Variants in MYT1L observed in about 807,000 individuals in gnomAD.
MYT1L encodes myelin transcription factor 1-like protein.
A neutral mutation model predicts 126.7 loss-of-function variants in MYT1L; 12 were observed. The ratio of observed to expected loss-of-function variants is 0.09; its 90% CI spans 0.06 to 0.15. The LOEUF is 0.15. MYT1L is among the 10% of genes least tolerant of loss of function. The pLI, the probability that MYT1L is intolerant of heterozygous loss-of-function variation, is 1.00. For missense variants in MYT1L, 979 were observed against 1,585.2 expected, an observed-to-expected ratio of 0.62 and a Z score of 6.49; for synonymous variants, 541 against 604.2, an observed-to-expected ratio of 0.90 and a Z score of 1.53.
At chr2:2,051,797 T>C (rs1049220361) in intron 4 of MYT1L, among the ~76,000 whole-genome samples, 4 of 152,130 alleles carry the variant, frequency 2.6e-5, no homozygotes, top group African/African-American at 9.6e-5. Context: ...AATAAGGTCA[T>C]GGTACACGCT....
At chr2:2,217,685 C>CAAAAAAA (rs1167910803) in intron 2 of MYT1L, among the ~76,000 whole-genome samples, 30 of 79,626 alleles carry the variant, frequency 3.8e-4, no homozygotes, top group Non-Finnish European at 4.9e-4. Context: ...ACAACAACAA[C>CAAAAAAA]AACAACAACA....
Position 1,801,664 on chromosome 2 carries a change from G to C in MYT1L, c.3276+32C>G, listed in dbSNP as rs762053835. 2 of 1,381,324 alleles carry C rather than the reference G, an allele frequency of 1.4e-6. No homozygotes were observed. Among genetic ancestry groups the C allele is most frequent in the Non-Finnish European group, 2.0e-6 (2 of 976,006 alleles). 85.6% of individuals were successfully genotyped at this position (1,381,324 alleles called of 1,614,324 possible). On this transcript the variant is annotated intron_variant, in intron 23 of 24. Coordinates refer to ENST00000647738, the MANE Select transcript of MYT1L (RefSeq NM_001303052.2). This position sits in a 1 kb window ranked among gnomAD's most constrained non-coding sequence, Gnocchi z 4.2. Reference sequence around the variant, plus strand: ...ATCTCTGGTATAATGGCGCGTGTTAGAGCTAAAATTGAGGGCTTCAAAAAC... The same window carrying C: ...ATCTCTGGTATAATGGCGCGTGTTACAGCTAAAATTGAGGGCTTCAAAAAC...
chr2:1,917,333 G>A lies in MYT1L; in HGVS notation c.1490C>T (p.Ser497Leu), dbSNP rs576628402. ...VKKPYYGKDPSRTEKKESKCP... is the reference protein window; with the variant it reads ...VKKPYYGKDPLRTEKKESKCP... ...CTTGCTCTCTTTCTTTTCTGTTCTTGAGGGATCTAAAAGCGACAACAGGTG... is the reference window on the plus strand; with the variant it reads ...CTTGCTCTCTTTCTTTTCTGTTCTTAAGGGATCTAAAAGCGACAACAGGTG... Residue 497 changes from serine (S) to leucine (L), a missense_variant, in exon 11 of 25, where the codon TCA (serine) becomes TTA (leucine). Around this residue, in one of 12 missense-constraint regions of MYT1L, gnomAD observed 67 missense variants for 80.3 expected, o/e 0.83. Coordinates refer to ENST00000647738, the MANE Select transcript of MYT1L (RefSeq NM_001303052.2). This position sits in a 1 kb window ranked among gnomAD's most constrained non-coding sequence, Gnocchi z 5.9. 2 of 1,609,272 alleles carry A rather than the reference G, an allele frequency of 1.2e-6. No individual in the cohort carries two copies. Among genetic ancestry groups the A allele is most frequent in the African/African-American group, 1.3e-5 (1 of 74,942 alleles).
intron 4 of MYT1L, among the ~76,000 whole-genome samples, chr2:2,038,288 C>A (rs755366099): frequency 6.6e-5 from 10 of 152,108 alleles, no homozygotes; most frequent in Non-Finnish European, 1.3e-4. Context: ...TCTTTTAAAT[C>A]CAACATTATA....
intron 1 of MYT1L, among the ~76,000 whole-genome samples, chr2:2,309,557 A>G (rs564978291): frequency 6.6e-6 from 1 of 151,232 alleles, no homozygotes; most frequent in Non-Finnish European, 1.5e-5. Context: ...CCTATACTCT[A>G]CCCACACTTC....
At chr2:1,872,173 G>C (rs1335067703) in intron 18 of MYT1L, among the ~76,000 whole-genome samples, 1 of 152,164 alleles carries the variant, frequency 6.6e-6, no homozygotes, top group Non-Finnish European at 1.5e-5. Context: ...GGAAACAGAA[G>C]GGAGGAGATT....
At chr2:1,935,535 A>G (rs2055761138) in intron 9 of MYT1L, among the ~76,000 whole-genome samples, 1 of 152,212 alleles carries the variant, frequency 6.6e-6, no homozygotes, top group South Asian at 2.1e-4. Context: ...ATGGTTCTGA[A>G]CTGCTTCCCA....
rs1306142215 is a variant in MYT1L at position 1,889,869 on chromosome 2, A to C, written c.2284-392T>G. Among the ~76,000 whole-genome samples, 1 of 152,122 alleles carries C rather than the reference A, an allele frequency of 6.6e-6. No homozygotes were observed. On this transcript the variant is annotated intron_variant, in intron 15 of 24. Coordinates refer to ENST00000647738, the MANE Select transcript of MYT1L (RefSeq NM_001303052.2). This position sits in a 1 kb window ranked among gnomAD's most constrained non-coding sequence, Gnocchi z 4.1. ...ATTTTATTACCGTTGCAAATACCTAAGAGATAAAAATTTTGTGTGTATGCA... is the reference window on the plus strand; with the variant it reads ...ATTTTATTACCGTTGCAAATACCTACGAGATAAAAATTTTGTGTGTATGCA...
chr2:2,176,088 A>G (rs1025445331), intron 2 of MYT1L, among the ~76,000 whole-genome samples: 5 of 152,208 alleles, frequency 3.3e-5, no homozygotes, highest in Non-Finnish European at 7.3e-5. Flanking sequence ...CTCATGAGAC[A>G]GTCACTCAGC....
At chr2:2,047,396 T>G (rs935300923) in intron 4 of MYT1L, among the ~76,000 whole-genome samples, 4 of 152,252 alleles carry the variant, frequency 2.6e-5, no homozygotes, top group African/African-American at 9.6e-5. Flanking sequence ...ACAAGACTAA[T>G]GAAAATGATA....
At chr2:2,221,229 C>T (rs1334452190) in intron 2 of MYT1L, among the ~76,000 whole-genome samples, 4 of 152,132 alleles carry the variant, frequency 2.6e-5, no homozygotes, top group Admixed American at 6.5e-5. Flanking sequence ...TTCTTGCTCC[C>T]TGAGGAGGGC....
intron 1 of MYT1L, among the ~76,000 whole-genome samples, chr2:2,328,720 C>T (rs190637314): frequency 2.0e-5 from 3 of 152,230 alleles, no homozygotes; most frequent in African/African-American, 7.2e-5. Context: ...TAAAATTTTC[C>T]AGTTGAAAAG....
intron 3 of MYT1L, among the ~76,000 whole-genome samples, chr2:2,131,179 C>A (rs1482692519): frequency 1.3e-5 from 2 of 152,152 alleles, no homozygotes; most frequent in Non-Finnish European, 2.9e-5. Context: ...AAGGAGCCCA[C>A]CAGGTACACA....
intron 3 of MYT1L, among the ~76,000 whole-genome samples, chr2:2,083,301 T>G (rs981543248): frequency 6.6e-6 from 1 of 152,240 alleles, no homozygotes; most frequent in African/African-American, 2.4e-5. Context: ...AGGTGGTTCA[T>G]GAGTGGTGCC....
At position 1,889,865 on chromosome 2, in the gene MYT1L, C is replaced by T. The variant is rs1001809587; in HGVS notation, c.2284-388G>A. 7.9e-5 allele frequency among the ~76,000 whole-genome samples: 12 copies of T among 151,938 alleles called. No homozygotes were observed. The highest frequency in any genetic ancestry group is 2.0e-4 in the Admixed American group (3 of 15,262). On this transcript the variant is annotated intron_variant, in intron 15 of 24. Coordinates refer to ENST00000647738, the MANE Select transcript of MYT1L (RefSeq NM_001303052.2). This position sits in a 1 kb window ranked among gnomAD's most constrained non-coding sequence, Gnocchi z 4.1. ...TTTAATTTTATTACCGTTGCAAATA[C>T]CTAAGAGATAAAAATTTTGTGTGTA...
chr2:2,109,113 G>C (rs1037906616), intron 3 of MYT1L, among the ~76,000 whole-genome samples: 1 of 152,218 alleles, frequency 6.6e-6, no homozygotes, highest in Non-Finnish European at 1.5e-5. Context: ...TGTCCTCACA[G>C]ATCATTCCAA....
intron 8 of MYT1L, among the ~76,000 whole-genome samples, chr2:1,949,061 T>C (rs1044351271): frequency 6.6e-6 from 1 of 152,168 alleles, no homozygotes; most frequent in Non-Finnish European, 1.5e-5. Context: ...TCACGGTAGC[T>C]CAATAGTTCT....
At chr2:2,211,152 T>G (rs1272477610) in intron 2 of MYT1L, among the ~76,000 whole-genome samples, 1 of 152,214 alleles carries the variant, frequency 6.6e-6, no homozygotes, top group Non-Finnish European at 1.5e-5. Flanking sequence ...AAATATAAAA[T>G]CATATCATCT....
At chr2:1,898,989 G>T (rs1483200766) in intron 14 of MYT1L, among the ~76,000 whole-genome samples, 1 of 152,232 alleles carries the variant, frequency 6.6e-6, no homozygotes, top group African/African-American at 2.4e-5. Context: ...GTGCCAAGAT[G>T]ATAGGAAGGT....
Sources: gnomAD v4.1 joint callset for allele counts (sites outside exome capture counted in the v4.1 genomes callset) on GRCh38, gnomAD v4.1.1 for gene constraint, gnomAD v4.1.1 regional missense constraint, Gnocchi (gnomAD v3.1) non-coding constraint, MANE v1.5 for transcripts, NCBI Gene and HGNC (gene_info 2026-07-23, HGNC 2026-07-21) for gene names.